Variants in DLG1 observed in about 807,000 individuals in gnomAD.
The protein encoded by DLG1 is disks large homolog 1.
DLG1 carries 42 observed loss-of-function variants against 123.4 expected under a neutral mutation model. The ratio of observed to expected loss-of-function variants is 0.34; its 90% confidence interval spans 0.27 to 0.44. The LOEUF is 0.44. Among genes scored for constraint, DLG1 ranks in the 20% least tolerant of loss-of-function variants. DLG1 has a pLI of 1.00. For synonymous variants in DLG1, 317 were observed against 356.2 expected (o/e 0.89, Z 1.24); for missense variants, 942 against 1,082.6 (o/e 0.87, Z 1.82).
intron 4 of DLG1, among the ~76,000 whole-genome samples, chr3:197,233,418 G>C (rs535141400): frequency 1.3e-5 from 2 of 152,276 alleles, no homozygotes; most frequent in South Asian, 4.1e-4. Context: ...ACAGAGTCTA[G>C]CTCCATCGCC....
chr3:197,138,917 C>A (rs947636979), intron 8 of DLG1, among the ~76,000 whole-genome samples: 3 of 152,084 alleles, frequency 2.0e-5, no homozygotes, highest in Non-Finnish European at 2.9e-5. Context: ...AAAACTGAGG[C>A]TCACATCACG....
At chr3:197,292,071 A>C (rs1184358440) in intron 3 of DLG1, among the ~76,000 whole-genome samples, 1 of 152,192 alleles carries the variant, frequency 6.6e-6, no homozygotes, top group Non-Finnish European at 1.5e-5. Context: ...GGCCCTCAAA[A>C]AATTAAAAAT....
chr3:197,291,645 T>A (rs750169301), intron 3 of DLG1, among the ~76,000 whole-genome samples: 2 of 152,190 alleles, frequency 1.3e-5, no homozygotes, highest in African/African-American at 4.8e-5. Flanking sequence ...ATAAAGAATA[T>A]CCCAATGGTT....
At position 197,119,507 on chromosome 3, in the gene DLG1, G is replaced by A. The variant is rs143253568; in HGVS notation, c.1189C>T (p.His397Tyr). 75 of 1,609,572 alleles carry A rather than the reference G, an allele frequency of 4.7e-5. No homozygotes were observed. The highest frequency in any genetic ancestry group is 6.3e-5 in the Non-Finnish European group (74 of 1,177,210). The part of the protein sequence containing the change: ...TNSSSQPVDN[H>Y]VSPSSFLGQT... ...CCCAAGAAGGAAGATGGGCTAACAT[G>A]GTTATCAACAGGCTGAGAAGAAGCT... The change falls in exon 12 of 25, where the codon CAT becomes TAT. Residue 397 changes from histidine to tyrosine, a missense_variant. Physicochemically the swap from His to Tyr is moderately conservative, Grantham distance 83. Coordinates refer to ENST00000667157, the MANE Select transcript of DLG1 (RefSeq NM_001366207.1).
intron 11 of DLG1, among the ~76,000 whole-genome samples, chr3:197,122,809 GA>G (rs1211235027): frequency 6.6e-6 from 1 of 151,992 alleles, no homozygotes; most frequent in African/African-American, 2.4e-5. Flanking sequence ...GACTGATTAA[GA>G]AACTCAATTT....
intron 3 of DLG1, among the ~76,000 whole-genome samples, chr3:197,288,743 A>AAACATACATACATAC (rs1553827364): frequency 2.8e-5 from 2 of 72,078 alleles, no homozygotes; most frequent in Non-Finnish European, 4.8e-5. Context: ...AAAAAAAAAA[A>AAACATACATACATAC]ATACATACAT....
At chr3:197,112,867 A>G (rs1249021771) in intron 13 of DLG1, among the ~76,000 whole-genome samples, 1 of 152,184 alleles carries the variant, frequency 6.6e-6, no homozygotes, top group Non-Finnish European at 1.5e-5. Flanking sequence ...AGTTACTGGG[A>G]TTATAAGCAA....
At chr3:197,092,933 TA>T (rs1361734875) in intron 14 of DLG1, among the ~76,000 whole-genome samples, 1 of 152,222 alleles carries the variant, frequency 6.6e-6, no homozygotes, top group Non-Finnish European at 1.5e-5. Flanking sequence ...ATTGATTTTA[TA>T]AGTAGGTAAA....
intron 4 of DLG1, among the ~76,000 whole-genome samples, chr3:197,214,021 T>C (rs2150425057): frequency 6.6e-6 from 1 of 152,200 alleles, no homozygotes. Context: ...AGAAACAAAG[T>C]GTTGAACAGA....
chr3:197,107,867 G>C (rs1416999688), intron 13 of DLG1, among the ~76,000 whole-genome samples: 1 of 151,420 alleles, frequency 6.6e-6, no homozygotes, highest in Non-Finnish European at 1.5e-5. Context: ...ATAGAAGTAG[G>C]AAGAGCAGAT....
At chr3:197,257,069 T>C (rs1486893764) in intron 4 of DLG1, among the ~76,000 whole-genome samples, 1 of 152,072 alleles carries the variant, frequency 6.6e-6, no homozygotes, top group Non-Finnish European at 1.5e-5. Context: ...AAAACCTAAC[T>C]TAAAAAATTT....
chr3:197,250,870 T>C (rs1578731531), intron 4 of DLG1, among the ~76,000 whole-genome samples: 1 of 149,686 alleles, frequency 6.7e-6, no homozygotes, highest in South Asian at 2.1e-4. Context: ...GGCAGGTGCC[T>C]GTAATCCCAA....
chr3:197,266,326 T>C (rs1207982168), intron 4 of DLG1, among the ~76,000 whole-genome samples: 1 of 152,156 alleles, frequency 6.6e-6, no homozygotes, highest in Non-Finnish European at 1.5e-5. Context: ...TAAAAGTTAC[T>C]TTAACTCTGT....
At chr3:197,207,651 T>C (rs1468415205) in intron 4 of DLG1, among the ~76,000 whole-genome samples, 1 of 152,112 alleles carries the variant, frequency 6.6e-6, no homozygotes, top group African/African-American at 2.4e-5. Context: ...TAATATATGG[T>C]ATTACTGGTA....
At chr3:197,243,443 T>C (rs1749986569) in intron 4 of DLG1, among the ~76,000 whole-genome samples, 1 of 152,200 alleles carries the variant, frequency 6.6e-6, no homozygotes, top group Admixed American at 6.5e-5. Context: ...TTACCTAACA[T>C]GACCTGACTT....
intron 4 of DLG1, among the ~76,000 whole-genome samples, chr3:197,265,408 A>G (rs1761240699): frequency 6.6e-6 from 1 of 152,188 alleles, no homozygotes; most frequent in South Asian, 2.1e-4. Context: ...ATGCCCAGAA[A>G]AAGTTTCCTG....
chr3:197,184,235 C>T, intron 5 of DLG1: 1 of 479,780 alleles, frequency 2.1e-6, no homozygotes, highest in Non-Finnish European at 2.7e-6. Context: ...TGATTTAATG[C>T]ACTGCGTGGA....
intron 4 of DLG1, among the ~76,000 whole-genome samples, chr3:197,280,505 C>A (rs1768794590): frequency 6.6e-6 from 1 of 152,100 alleles, no homozygotes; most frequent in Admixed American, 6.5e-5. Context: ...TGGACAGATA[C>A]CCACTAATGG....
chr3:197,183,571 T>C, intron 5 of DLG1: 1 of 1,549,834 alleles, frequency 6.5e-7, no homozygotes, highest in Non-Finnish European at 8.7e-7. Context: ...AAGTGGTATG[T>C]TACCTGGGTG....
Sources: gnomAD v4.1 joint callset for allele counts (sites outside exome capture counted in the v4.1 genomes callset) on GRCh38, gnomAD v4.1.1 for gene constraint, MANE v1.5 for transcripts, NCBI Gene and HGNC (gene_info 2026-07-23, HGNC 2026-07-21) for gene names.